The following CPVL variants were observed in gnomAD, a reference collection of about 807,000 sequenced individuals.
CPVL encodes the protein carboxypeptidase vitellogenic like.
CPVL carries 51 observed loss-of-function variants against 63.7 expected under a neutral mutation model. The ratio of observed to expected loss-of-function variants is 0.80; its 90% CI spans 0.64 to 1.01. CPVL has a LOEUF of 1.01. Among genes scored for constraint, CPVL ranks in the 50% least tolerant of loss-of-function variants. The probability of loss-of-function intolerance (pLI) is 0.00; values close to 1 mark genes in which losing one functional copy is unlikely to be tolerated. For missense variants in CPVL, 530 were observed against 573.1 expected, an observed-to-expected ratio of 0.92 and a Z score of 0.77; for synonymous variants, 195 against 206.0, an observed-to-expected ratio of 0.95 and a Z score of 0.46.
At chr7:29,154,792 G>A (rs245899) in intron 5 of CPVL, among the ~76,000 whole-genome samples, 85,127 of 152,070 alleles carry the variant, frequency 0.56, 24,660 homozygotes, top group African/African-American at 0.72. Flanking sequence ...CCAAGATTAC[G>A]CCACTGCACT....
chr7:29,002,431 T>C (rs1784735769), intron 12 of CPVL, among the ~76,000 whole-genome samples: 2 of 152,128 alleles, frequency 1.3e-5, no homozygotes, highest in African/African-American at 4.8e-5. Flanking sequence ...CTAGAAAAAA[T>C]TAAATCCTTT....
intron 3 of CPVL, among the ~76,000 whole-genome samples, chr7:29,107,115 C>A (rs1787794897): frequency 6.6e-6 from 1 of 152,226 alleles, no homozygotes; most frequent in African/African-American, 2.4e-5. Flanking sequence ...CCCAACATGG[C>A]ATCCTTTCCT....
At chr7:29,022,760 C>T (rs1363669085) in intron 12 of CPVL, among the ~76,000 whole-genome samples, 3 of 152,216 alleles carry the variant, frequency 2.0e-5, no homozygotes, top group African/African-American at 7.2e-5. Flanking sequence ...CCTGGCCCCA[C>T]CCTCACCAGT....
intron 5 of CPVL, among the ~76,000 whole-genome samples, chr7:29,181,134 C>G (rs143393065): frequency 1.7e-3 from 261 of 152,262 alleles, no homozygotes; most frequent in African/African-American, 6.0e-3. Flanking sequence ...TATTCTAATT[C>G]TCAGTCATGA....
At chr7:29,090,820 T>C (rs927117327) in intron 6 of CPVL, among the ~76,000 whole-genome samples, 2 of 152,228 alleles carry the variant, frequency 1.3e-5, no homozygotes, top group Admixed American at 1.3e-4. Flanking sequence ...AGCAAAACTG[T>C]GAACGGTAAA....
chr7:29,070,058 A>C (rs2128573684), intron 9 of CPVL, among the ~76,000 whole-genome samples: 1 of 152,244 alleles, frequency 6.6e-6, no homozygotes, highest in African/African-American at 2.4e-5. Context: ...TACTGTCCTA[A>C]GTATCATTTT....
At chr7:29,016,470 A>G (rs945484569) in intron 12 of CPVL, among the ~76,000 whole-genome samples, 9 of 152,092 alleles carry the variant, frequency 5.9e-5, no homozygotes, top group African/African-American at 7.2e-5. Context: ...ACCCCCTCCA[A>G]TTGGTGAGGG....
At chr7:29,121,188 T>A (rs544083102) in intron 1 of CPVL, 117 bp from the exon 2 acceptor site, 1 of 921,754 alleles carries the variant, frequency 1.1e-6, no homozygotes, top group Non-Finnish European at 1.6e-6. Flanking sequence ...AAAGGCCCTC[T>A]GCAAGGACCT....
chr7:29,173,395 T>A (rs1180924296), intron 5 of CPVL, among the ~76,000 whole-genome samples: 1 of 152,024 alleles, frequency 6.6e-6, no homozygotes, highest in African/African-American at 2.4e-5. Flanking sequence ...GTGCTATTAA[T>A]AATACATGAG....
intron 3 of CPVL, among the ~76,000 whole-genome samples, chr7:29,098,380 C>T (rs1786672314): frequency 6.6e-6 from 1 of 152,164 alleles, no homozygotes; most frequent in African/African-American, 2.4e-5. Flanking sequence ...GGACCTGCTA[C>T]AAGATAGGTG....
At chr7:29,121,109 A>G (rs1789327388) in intron 1 of CPVL, 38 bp from the exon 2 acceptor site, 1 of 1,524,776 alleles carries the variant, frequency 6.6e-7, no homozygotes, top group Non-Finnish European at 8.8e-7. Context: ...GAATCATAAG[A>G]GTAAATATTT....
chr7:29,131,489 TTG>T (rs1265390068), intron 1 of CPVL, among the ~76,000 whole-genome samples: 1 of 152,176 alleles, frequency 6.6e-6, no homozygotes, highest in Non-Finnish European at 1.5e-5. Context: ...TTTCCATATG[TTG>T]TCTCATTCAA....
intron 4 of CPVL, chr7:29,184,367 A>T (rs1435052436): frequency 3.9e-5 from 6 of 152,052 alleles, no homozygotes; most frequent in Admixed American, 3.9e-4. Context: ...GAGAAAATAT[A>T]TGACTGTATG....
chr7:29,021,238 T>C (rs565974612), intron 12 of CPVL, among the ~76,000 whole-genome samples: 1 of 152,024 alleles, frequency 6.6e-6, no homozygotes, highest in East Asian at 1.9e-4. Context: ...GACAAATTCC[T>C]GAAAAAAAAT....
chr7:29,088,461 A>T lies in CPVL; in HGVS notation c.543-1911T>A, dbSNP rs1562762527. On this transcript the variant is annotated intron_variant, in intron 6 of 12. Coordinates refer to ENST00000265394, the MANE Select transcript of CPVL (RefSeq NM_031311.5). Reference sequence around the variant, plus strand: ...TTATTTCACAGCCAAAAAACTGGCTATTTTTTTTTAAGCAAGCACTTAGTA... The same window carrying T: ...TTATTTCACAGCCAAAAAACTGGCTTTTTTTTTTTAAGCAAGCACTTAGTA... Among the ~76,000 whole-genome samples the T allele has an allele frequency of 2.6e-5, 4 of 151,544 alleles. No homozygotes were observed. In the South Asian group the frequency reaches 8.3e-4, roughly 32 times the overall value.
chr7:29,037,791 G>A (rs954452905), intron 11 of CPVL, among the ~76,000 whole-genome samples: 2 of 152,044 alleles, frequency 1.3e-5, no homozygotes, highest in African/African-American at 4.8e-5. Context: ...AAAAGTAGCC[G>A]ACACTTTCAG....
chr7:29,126,209 G>A (rs574694888), intron 1 of CPVL: 99 of 152,188 alleles, frequency 6.5e-4, no homozygotes, highest in African/African-American at 2.2e-3. Context: ...ATTTGCTTCT[G>A]GGCATCTTTT....
At chr7:29,157,958 C>G (rs1794646857) in intron 5 of CPVL, among the ~76,000 whole-genome samples, 1 of 152,128 alleles carries the variant, frequency 6.6e-6, no homozygotes, top group Non-Finnish European at 1.5e-5. Flanking sequence ...TGATTCCACT[C>G]CTAAAGAGAT....
chr7:29,018,997 T>C (rs989653022), intron 12 of CPVL, among the ~76,000 whole-genome samples: 7 of 152,070 alleles, frequency 4.6e-5, no homozygotes, highest in African/African-American at 1.4e-4. Flanking sequence ...ATTTTGTGTA[T>C]ATTTCTATCT....
Sources: gnomAD v4.1 joint callset for allele counts (sites outside exome capture counted in the v4.1 genomes callset) on GRCh38, gnomAD v4.1.1 for gene constraint, MANE v1.5 for transcripts, NCBI Gene and HGNC (gene_info 2026-07-23, HGNC 2026-07-21) for gene names.